Variants in TANGO6 observed in about 807,000 individuals in gnomAD.
TANGO6 encodes the protein transport and golgi organization 6 homolog.
In TANGO6, 90 loss-of-function variants were observed where a neutral mutation model predicts 114.2. That is an observed-to-expected ratio of 0.79 (90% CI 0.66 to 0.94). The LOEUF (loss-of-function observed/expected upper bound fraction) is 0.94. TANGO6 is among the 40% of genes least tolerant of loss of function. TANGO6 has a pLI of 0.00. For missense variants in TANGO6, 1,274 were observed against 1,315.3 expected (o/e 0.97, Z 0.49); for synonymous variants, 477 against 509.8 (o/e 0.94, Z 0.87).
chr16:69,055,380 C>A (rs1179189883), intron 17 of TANGO6, among the ~76,000 whole-genome samples: 1 of 152,212 alleles, frequency 6.6e-6, no homozygotes, highest in South Asian at 2.1e-4. Context: ...CACCTTCAGT[C>A]CCCTGTCCTG....
In TANGO6 at chr16:68,907,436, A is replaced by G. The variant is rs760365036; in HGVS notation, c.1668-7A>G. 5 of 1,588,328 alleles carry G rather than the reference A, an allele frequency of 3.1e-6. No homozygotes were observed. The highest frequency in any genetic ancestry group is 2.3e-5 in the South Asian group (2 of 86,358). On this transcript the variant is annotated splice_region_variant and splice_polypyrimidine_tract_variant and intron_variant, in intron 9 of 17. Transcript: ENST00000261778. ...ACTACCAAGATAAATTTTACCCTGC[A>G]TTGCAGTGATGAAGATGAAGATGAA...
intron 7 of TANGO6, among the ~76,000 whole-genome samples, chr16:68,890,785 C>G (rs1962602281): frequency 6.6e-6 from 1 of 152,094 alleles, no homozygotes; most frequent in South Asian, 2.1e-4. Context: ...CTTTGGGAGG[C>G]CAAGGCAGTT....
chr16:68,964,846 G>T (rs901673890), intron 14 of TANGO6, among the ~76,000 whole-genome samples: 3 of 152,080 alleles, frequency 2.0e-5, no homozygotes, highest in Admixed American at 6.5e-5. Flanking sequence ...TGGGATTACA[G>T]GCGTGAGCCA....
At chr16:68,881,153 CTAAATGT>C (rs1567530968) in intron 7 of TANGO6, among the ~76,000 whole-genome samples, 1 of 152,310 alleles carries the variant, frequency 6.6e-6, no homozygotes, top group East Asian at 1.9e-4. Context: ...ATCATTTATT[CTAAATGT>C]TGAAATAGTT....
chr16:68,915,487 A>G (rs1048509815), intron 11 of TANGO6, among the ~76,000 whole-genome samples: 11 of 152,214 alleles, frequency 7.2e-5, no homozygotes, highest in African/African-American at 2.2e-4. Flanking sequence ...GCTAGTCTTG[A>G]ACTCCTGGCC....
chr16:68,961,858 G>A (rs569124462), intron 14 of TANGO6, among the ~76,000 whole-genome samples: 1 of 152,276 alleles, frequency 6.6e-6, no homozygotes. Context: ...ATCTGTAATT[G>A]TCCTCTCTTG....
At chr16:69,043,027 G>A (rs367925442) in intron 17 of TANGO6, among the ~76,000 whole-genome samples, 22 of 152,208 alleles carry the variant, frequency 1.4e-4, no homozygotes, top group African/African-American at 5.3e-4. Context: ...GAGTTCGAGA[G>A]AAGCCTGGCC....
intron 2 of TANGO6, 83 bp downstream of exon 2, chr16:68,860,607 G>C (rs910517917): frequency 1.3e-6 from 2 of 1,502,962 alleles, no homozygotes; most frequent in African/African-American, 2.8e-5. Flanking sequence ...TGTTATAAAA[G>C]GCAACTCTTA....
At chr16:68,994,772 A>T (rs760779841) in intron 15 of TANGO6, among the ~76,000 whole-genome samples, 9 of 151,564 alleles carry the variant, frequency 5.9e-5, no homozygotes, top group Admixed American at 2.6e-4. Context: ...TTTTGTAGAG[A>T]TGGGGTTTCA....
intron 16 of TANGO6, 79 bp from the exon 17 acceptor site, chr16:69,040,229 A>G: frequency 8.1e-7 from 1 of 1,230,918 alleles, no homozygotes; most frequent in Non-Finnish European, 1.2e-6. Context: ...AATGTGTAGT[A>G]AGTGGAACAC....
rs201771204 is a variant in TANGO6, at chr16:68,891,035, G to GA, written c.1378-9391dup. ...GTGAGACTCCATCTCAAAAAAAAAA[G>GA]AAAAAAAAGACTTTGGGAGGCCGAG... On this transcript the variant is annotated intron_variant, in intron 7 of 17. Transcript: ENST00000261778. 4.0e-3 allele frequency among the ~76,000 whole-genome samples: 525 copies of GA among 131,710 alleles called. 6 individuals are homozygous for GA. Among genetic ancestry groups the GA allele is most frequent in the African/African-American group, 0.014 (483 of 35,120 alleles). 86.4% of individuals were successfully genotyped at this position (131,710 alleles called of 152,430 possible). A position where few individuals can be genotyped will look rare whatever the true frequency, so the allele number is the denominator to read the frequency against.
chr16:68,853,951 G>A (rs1351028320), intron 1 of TANGO6, among the ~76,000 whole-genome samples: 1 of 151,978 alleles, frequency 6.6e-6, no homozygotes, highest in Non-Finnish European at 1.5e-5. Flanking sequence ...CTGAATAATT[G>A]TCCATTTTTT....
At chr16:68,987,688 T>C (rs1963909627) in intron 15 of TANGO6, among the ~76,000 whole-genome samples, 2 of 152,214 alleles carry the variant, frequency 1.3e-5, no homozygotes, top group Admixed American at 1.3e-4. Context: ...GTTTATATAC[T>C]AACAGATCTT....
intron 17 of TANGO6, 142 bp downstream of exon 17, chr16:69,040,563 A>G: frequency 2.9e-6 from 2 of 699,104 alleles, no homozygotes; most frequent in South Asian, 3.7e-5. Context: ...ATTTTGTAGC[A>G]GGAAAATGAC....
At chr16:68,933,941 A>G (rs1323657956) in intron 14 of TANGO6, 1 of 152,164 alleles carries the variant, frequency 6.6e-6, no homozygotes, top group African/African-American at 2.4e-5. Context: ...TTCAGGGTTT[A>G]ATGTGGATAT....
rs990661718 is a variant in TANGO6, at chr16:68,843,566, C to A, written c.-52C>A. On this transcript the variant is annotated 5_prime_UTR_variant, in exon 1 of 18. Transcript: ENST00000261778. ...GCCACACTTAACATGGCGGCGGCGG[C>A]GCCCTGCCGAGGCGCCTGAGCGGGT... 341 of 1,561,508 alleles carry A rather than the reference C, an allele frequency of 2.2e-4. No homozygotes were observed. The highest frequency in any genetic ancestry group is 7.0e-4 in the Middle Eastern group (4 of 5,686).
At chr16:69,020,361 G>A (rs1959380100) in intron 15 of TANGO6, among the ~76,000 whole-genome samples, 1 of 152,196 alleles carries the variant, frequency 6.6e-6, no homozygotes, top group South Asian at 2.1e-4. Context: ...AGATGAAGGA[G>A]TCAAAGTTCT....
intron 11 of TANGO6, among the ~76,000 whole-genome samples, chr16:68,909,998 G>A (rs1962901539): frequency 6.6e-6 from 1 of 152,184 alleles, no homozygotes; most frequent in Non-Finnish European, 1.5e-5. Flanking sequence ...GTCAGTGTCT[G>A]AATTGTATTG....
intron 7 of TANGO6, among the ~76,000 whole-genome samples, chr16:68,890,612 G>A (rs1247750294): frequency 6.6e-6 from 1 of 152,236 alleles, no homozygotes; most frequent in Non-Finnish European, 1.5e-5. Flanking sequence ...GCCGGGTGTG[G>A]TGGCTCACGC....
Sources: allele counts gnomAD v4.1 joint callset (sites outside exome capture counted in the v4.1 genomes callset), GRCh38; gene constraint gnomAD v4.1.1; transcripts MANE v1.5; gene names NCBI Gene and HGNC (gene_info 2026-07-23, HGNC 2026-07-21).